ABCA13: variants seen among roughly 807,000 people sequenced by gnomAD.
The protein encoded by ABCA13 is ATP binding cassette subfamily A member 13, also known as ATP-binding cassette sub-family A member 13.
A neutral mutation model predicts 478.7 loss-of-function variants in ABCA13; 476 were observed. That is an observed-to-expected ratio of 0.99 (90% confidence interval 0.92 to 1.07). ABCA13 has a LOEUF of 1.07. Ranked by LOEUF, ABCA13 falls within the 50% of genes least tolerant of loss-of-function variation. The pLI is 0.00. For missense variants in ABCA13, 6,060 were observed against 5,910.6 expected (o/e 1.03, Z -0.83); for synonymous variants, 2,252 against 2,158.9 (o/e 1.04, Z -1.20).
chr7:48,518,649 A>G (rs1164872541), intron 52 of ABCA13, among the ~76,000 whole-genome samples: 4 of 151,894 alleles, frequency 2.6e-5, no homozygotes, highest in African/African-American at 9.7e-5. Flanking sequence ...CTTTATTTTG[A>G]TATTATTTGC....
At chr7:48,591,220 T>A (rs896026061) in intron 57 of ABCA13, among the ~76,000 whole-genome samples, 1 of 152,046 alleles carries the variant, frequency 6.6e-6, no homozygotes, top group East Asian at 1.9e-4. Flanking sequence ...CAAAGCCATA[T>A]ATTGAAGAGA....
intron 41 of ABCA13, among the ~76,000 whole-genome samples, chr7:48,414,760 A>G (rs1203921971): frequency 6.6e-6 from 1 of 152,136 alleles, no homozygotes; most frequent in South Asian, 2.1e-4. Flanking sequence ...GTGCCACTGC[A>G]TCTGGCACCA....
At chr7:48,217,093 C>T (rs1446456311) in intron 3 of ABCA13, among the ~76,000 whole-genome samples, 1 of 152,200 alleles carries the variant, frequency 6.6e-6, no homozygotes, top group East Asian at 1.9e-4. Flanking sequence ...TACTGGATGT[C>T]TATCCAAAGG....
rs116535166 is a variant in ABCA13 at position 48,282,699 on chromosome 7, T to C, written c.8836+1247T>C. Among the ~76,000 whole-genome samples, 490 of 152,312 alleles carry C rather than the reference T, an allele frequency of 3.2e-3. 5 individuals carry two copies. The highest frequency in any genetic ancestry group is 0.011 in the African/African-American group (468 of 41,556). On this transcript the variant is annotated intron_variant, in intron 19 of 61. Coordinates refer to ENST00000435803, the MANE Select transcript of ABCA13 (RefSeq NM_152701.5). ...TATTTCGATTACTATCAGGTTGTTA[T>C]ATTATGATTTGTAGATTACGTGTTA...
intron 43 of ABCA13, among the ~76,000 whole-genome samples, chr7:48,457,048 G>A (rs1212262963): frequency 1.3e-5 from 2 of 151,890 alleles, no homozygotes; most frequent in African/African-American, 4.8e-5. Flanking sequence ...CTATATGCTA[G>A]CTACTGTTCT....
intron 42 of ABCA13, among the ~76,000 whole-genome samples, chr7:48,445,136 G>C (rs1205689044): frequency 6.6e-6 from 1 of 151,870 alleles, no homozygotes; most frequent in South Asian, 2.1e-4. Context: ...AGCCTCCTGA[G>C]TAGCTGGAAT....
Position 48,274,404 on chromosome 7 carries a change from A to G in ABCA13, c.4738A>G (p.Ile1580Val), listed in dbSNP as rs544802648. The G allele has an allele frequency of 4.3e-6, 7 of 1,612,788 alleles. No individual in the cohort carries two copies. The African/African-American group carries it at 9.3e-5, about 22-fold the overall frequency. Residue 1580 changes from isoleucine (I) to valine (V), a missense_variant, in exon 17 of 62, where the codon ATA becomes GTA. Around this residue, in one of 3 missense-constraint regions of ABCA13, gnomAD observed 4,423 missense variants for 4,309.1 expected, o/e 1.03. Transcript: ENST00000435803. ...SSSKTENLLN[I>V]FATSPKEKDV... is the part of the protein sequence containing the mutation. ...TTCTAAAACTGAAAACTTGTTAAAC[A>G]TATTTGCCACCAGTCCAAAAGAAAA...
intron 6 of ABCA13, among the ~76,000 whole-genome samples, chr7:48,228,549 C>T (rs1788588632): frequency 6.6e-6 from 1 of 152,052 alleles, no homozygotes; most frequent in Non-Finnish European, 1.5e-5. Flanking sequence ...CACTGAGGCC[C>T]CTTGAGGTAC....
intron 59 of ABCA13, chr7:48,627,045 C>T: frequency 2.0e-6 from 2 of 985,314 alleles, no homozygotes; most frequent in Non-Finnish European, 2.4e-6. Flanking sequence ...AGCTCAGATT[C>T]ATGTTGCTGC....
chr7:48,594,224 A>G (rs1790051790), intron 57 of ABCA13, among the ~76,000 whole-genome samples: 1 of 151,666 alleles, frequency 6.6e-6, no homozygotes, highest in South Asian at 2.1e-4. Context: ...TGTGCCATAA[A>G]CCCTGTCAGG....
At chr7:48,407,846 A>T (rs1467332156) in intron 39 of ABCA13, among the ~76,000 whole-genome samples, 1 of 152,104 alleles carries the variant, frequency 6.6e-6, no homozygotes, top group Non-Finnish European at 1.5e-5. Flanking sequence ...TGGTATGTAC[A>T]TTATATTATT....
rs1349489025 is a variant in ABCA13, at chr7:48,528,272, A to G, written c.14281A>G (p.Ser4761Gly). ...GLLGVNGAGKSTTFKMLNGEV... is the reference protein window; with the variant it reads ...GLLGVNGAGKGTTFKMLNGEV... ...TCTAGGGGTGAATGGAGCTGGGAAGAGCACGACTTTCAAAATGCTGAATGG... is the reference window on the plus strand; with the variant it reads ...TCTAGGGGTGAATGGAGCTGGGAAGGGCACGACTTTCAAAATGCTGAATGG... Residue 4761 changes from serine (S) to glycine (G), a missense_variant, in exon 55 of 62, where the codon AGC becomes GGC. By Grantham distance (56) the Ser-to-Gly change is moderately conservative. Transcript: ENST00000435803. The G allele has an allele frequency of 5.7e-6, 9 of 1,579,146 alleles. No individual in the cohort carries two copies. Among genetic ancestry groups the G allele is most frequent in the Non-Finnish European group, 6.0e-6 (7 of 1,161,236 alleles).
chr7:48,480,472 C>T (rs756470291), intron 45 of ABCA13, among the ~76,000 whole-genome samples: 4 of 152,160 alleles, frequency 2.6e-5, no homozygotes, highest in Non-Finnish European at 4.4e-5. Context: ...ACTCTAAAGC[C>T]GGTCTGTGGC....
chr7:48,274,186 T>TAA lies in ABCA13; in HGVS notation c.4521_4522dup (p.Thr1508LysfsTer19). The stretch of plus-strand genomic sequence containing the variant: ...CAAGTAAGGATGAGTATCAACAACT[T>TAA]AACAACAGACTTTGATTTTGCATCT... On this transcript the variant is annotated frameshift_variant, in exon 17 of 62. Coordinates refer to ENST00000435803, the MANE Select transcript of ABCA13 (RefSeq NM_152701.5). LOFTEE classifies it high-confidence loss of function. 6.2e-7 allele frequency: 1 copy of TAA among 1,612,176 alleles called. No individual in the cohort carries two copies. The highest frequency in any genetic ancestry group is 8.5e-7 in the Non-Finnish European group (1 of 1,178,856).
intron 41 of ABCA13, among the ~76,000 whole-genome samples, chr7:48,420,665 A>C (rs762367212): frequency 2.3e-4 from 35 of 151,628 alleles, no homozygotes; most frequent in Admixed American, 8.5e-4. Context: ...TGGGTGCATG[A>C]ACTCAGCTGC....
intron 59 of ABCA13, among the ~76,000 whole-genome samples, chr7:48,639,509 G>A (rs1158130118): frequency 6.6e-6 from 1 of 152,144 alleles, no homozygotes; most frequent in Admixed American, 6.5e-5. Flanking sequence ...AGAGCTTAAC[G>A]TGAGACCACG....
chr7:48,496,567 T>C (rs906573351), intron 48 of ABCA13, among the ~76,000 whole-genome samples: 12 of 152,258 alleles, frequency 7.9e-5, no homozygotes, highest in Admixed American at 5.9e-4. Context: ...AGCCTTTTCC[T>C]GTTATGATTT....
intron 42 of ABCA13, among the ~76,000 whole-genome samples, chr7:48,442,939 T>C (rs1471991401): frequency 6.6e-6 from 1 of 152,196 alleles, no homozygotes; most frequent in Non-Finnish European, 1.5e-5. Context: ...TGTTGAAGTC[T>C]TAACCCTCAG....
chr7:48,171,498 G>A lies in ABCA13; in HGVS notation c.15G>A (p.Gly5=). 6.5e-7 allele frequency: 1 copy of A among 1,536,192 alleles called. No individual in the cohort carries two copies. Among genetic ancestry groups the A allele is most frequent in the Non-Finnish European group, 8.7e-7 (1 of 1,146,904 alleles). Residue 5 remains glycine (G), a synonymous_variant, in exon 1 of 62, where the codon GGG becomes GGA. Transcript: ENST00000435803. ...GAGCAGCAGGCATGGGGCATGCCGG[G>A]TGCCAGTTCAAAGCCCTGCTGTGGA... MGHA[G]CQFKALLWKN...
Sources: allele counts gnomAD v4.1 joint callset (sites outside exome capture counted in the v4.1 genomes callset), GRCh38; gene constraint gnomAD v4.1.1; regional missense constraint gnomAD v4.1.1; transcripts MANE v1.5; gene names NCBI Gene and HGNC (gene_info 2026-07-23, HGNC 2026-07-21).